NR3C2: variants seen among roughly 807,000 people sequenced by gnomAD.
NR3C2 encodes nuclear receptor subfamily 3 group C member 2, also known as mineralocorticoid receptor.
NR3C2 carries 15 observed loss-of-function variants against 86.4 expected under a neutral mutation model. That is an observed-to-expected ratio of 0.17 (90% CI 0.12 to 0.27). The LOEUF (loss-of-function observed/expected upper bound fraction) is 0.27, where lower values mean the gene tolerates loss of function less well. Among genes scored for constraint, NR3C2 ranks in the 10% least tolerant of loss-of-function variants. The probability of loss-of-function intolerance (pLI) is 1.00; values close to 1 mark genes in which losing one functional copy is unlikely to be tolerated. For synonymous variants in NR3C2, 458 were observed against 450.5 expected (o/e 1.02, Z -0.21); for missense variants, 960 against 1,195.6 (o/e 0.80, Z 2.91).
At chr4:148,275,650 G>C (rs1740923420) in intron 2 of NR3C2, among the ~76,000 whole-genome samples, 1 of 152,120 alleles carries the variant, frequency 6.6e-6, no homozygotes, top group Non-Finnish European at 1.5e-5. Context: ...GTCTGGTCTC[G>C]AACTCCTGAC....
intron 1 of NR3C2, among the ~76,000 whole-genome samples, chr4:148,438,605 T>A (rs952221844): frequency 6.6e-6 from 1 of 150,558 alleles, no homozygotes. Flanking sequence ...TCCCTTCATT[T>A]AAAAAAAAAC....
At chr4:148,148,924 G>C (rs576903412) in intron 6 of NR3C2, among the ~76,000 whole-genome samples, 12 of 152,230 alleles carry the variant, frequency 7.9e-5, no homozygotes, top group African/African-American at 2.4e-4. Context: ...ATAAATGCAA[G>C]ATGAAGCATG....
At chr4:148,239,645 A>G (rs1738919275) in intron 3 of NR3C2, among the ~76,000 whole-genome samples, 1 of 152,254 alleles carries the variant, frequency 6.6e-6, no homozygotes, top group African/African-American at 2.4e-5. Context: ...ACCAGAAGGC[A>G]CAGTTCTTAA....
chr4:148,208,634 C>A (rs1283259343), intron 3 of NR3C2: 1 of 152,270 alleles, frequency 6.6e-6, no homozygotes, highest in Non-Finnish European at 1.5e-5. Flanking sequence ...TCCTCCTACA[C>A]CCAAAGACTC....
intron 2 of NR3C2, among the ~76,000 whole-genome samples, chr4:148,321,741 C>T (rs1324998327): frequency 6.6e-6 from 1 of 152,136 alleles, no homozygotes; most frequent in Admixed American, 6.5e-5. Flanking sequence ...GTAGATCTTC[C>T]TCCATCCTTT....
chr4:148,388,197 A>T (rs72656899), intron 2 of NR3C2, among the ~76,000 whole-genome samples: 5 of 152,210 alleles, frequency 3.3e-5, no homozygotes, highest in Admixed American at 1.3e-4. Flanking sequence ...AGTCAATAAA[A>T]ATCCAGTATT....
intron 3 of NR3C2, among the ~76,000 whole-genome samples, chr4:148,229,236 G>A (rs150826722): frequency 2.6e-4 from 40 of 152,244 alleles, no homozygotes; most frequent in African/African-American, 7.0e-4. Flanking sequence ...CGAAATTCAC[G>A]CCTTAGGCAC....
chr4:148,388,699 T>C (rs956808399), intron 2 of NR3C2, among the ~76,000 whole-genome samples: 4 of 152,210 alleles, frequency 2.6e-5, no homozygotes, highest in African/African-American at 9.6e-5. Context: ...TTAAAATTGT[T>C]TATCACTTAG....
chr4:148,407,597 A>C (rs1449663817), intron 2 of NR3C2, among the ~76,000 whole-genome samples: 1 of 152,194 alleles, frequency 6.6e-6, no homozygotes, highest in Non-Finnish European at 1.5e-5. Flanking sequence ...AGTATGCCAA[A>C]AAGCTTTTCT....
At chr4:148,117,853 CCT>C (rs1415297518) in intron 7 of NR3C2, among the ~76,000 whole-genome samples, 1 of 152,200 alleles carries the variant, frequency 6.6e-6, no homozygotes, top group Non-Finnish European at 1.5e-5. Context: ...TTCTCCCACA[CCT>C]CTGTTTCAGG....
In NR3C2 at chr4:148,143,771, C is replaced by T. The variant is rs371726134; in HGVS notation, c.2510+8698G>A. On this transcript the variant is annotated intron_variant, in intron 6 of 8. Transcript: ENST00000358102. The stretch of plus-strand genomic sequence containing the variant: ...GACCAGCCTGACCAACATGGGGAAA[C>T]CCCATCTCTACTAAAAAAATACAAA... 1.2e-4 allele frequency among the ~76,000 whole-genome samples: 18 copies of T among 151,772 alleles called. No homozygotes were observed. In the South Asian group the frequency reaches 1.9e-3, roughly 16 times the overall value.
At chr4:148,383,679 G>A (rs144991270) in intron 2 of NR3C2, among the ~76,000 whole-genome samples, 77 of 152,180 alleles carry the variant, frequency 5.1e-4, no homozygotes, top group Middle Eastern at 3.4e-3. Context: ...TTGGACGGGC[G>A]CAGTGGCTCA....
chr4:148,159,051 T>C (rs1169912533), intron 4 of NR3C2, among the ~76,000 whole-genome samples: 3 of 152,326 alleles, frequency 2.0e-5, no homozygotes, highest in Non-Finnish European at 2.9e-5. Flanking sequence ...ATTATATTTA[T>C]ATCAAAGTAA....
At chr4:148,228,628 T>C (rs1004991957) in intron 3 of NR3C2, among the ~76,000 whole-genome samples, 28 of 152,216 alleles carry the variant, frequency 1.8e-4, no homozygotes, top group African/African-American at 6.8e-4. Flanking sequence ...TTGCATTTTC[T>C]TAATGGTATC....
At chr4:148,391,956 TA>T (rs5862838) in intron 2 of NR3C2, among the ~76,000 whole-genome samples, 59 of 147,990 alleles carry the variant, frequency 4.0e-4, no homozygotes, top group African/African-American at 1.4e-3. Context: ...AATAACGTAG[TA>T]AAAAAAAAAC....
In NR3C2 at chr4:148,356,462, T is replaced by C. The variant is rs1333719429; in HGVS notation, c.1757+78642A>G. The stretch of plus-strand genomic sequence containing the variant: ...CATCTGGGGGAGAAAAAAGTGACGT[T>C]TTTCTGTAGTGCCATTCATAAAGGT... On this transcript the variant is annotated intron_variant, in intron 2 of 8. Coordinates refer to ENST00000358102, the MANE Select transcript of NR3C2 (RefSeq NM_000901.5). Among the ~76,000 whole-genome samples the C allele has an allele frequency of 5.3e-5, 8 of 152,264 alleles. No individual in the cohort carries two copies. The East Asian group carries it at 1.5e-3, about 29-fold the overall frequency.
chr4:148,095,381 G>A (rs1012958234), intron 8 of NR3C2, among the ~76,000 whole-genome samples: 19 of 152,116 alleles, frequency 1.2e-4, no homozygotes, highest in African/African-American at 3.6e-4. Context: ...CATTTGATTT[G>A]TTTCTATATC....
At chr4:148,315,724 T>C (rs879930381) in intron 2 of NR3C2, among the ~76,000 whole-genome samples, 3 of 152,194 alleles carry the variant, frequency 2.0e-5, no homozygotes, top group Non-Finnish European at 4.4e-5. Context: ...ATAAACTCTT[T>C]AGCCAAAGAA....
At chr4:148,203,422 C>T (rs1736831927) in intron 3 of NR3C2, among the ~76,000 whole-genome samples, 1 of 151,226 alleles carries the variant, frequency 6.6e-6, no homozygotes. Context: ...TTTTAAAGAT[C>T]CATTTGTTGT....
Sources: allele counts gnomAD v4.1 joint callset (sites outside exome capture counted in the v4.1 genomes callset), GRCh38; gene constraint gnomAD v4.1.1; transcripts MANE v1.5; gene names NCBI Gene and HGNC (gene_info 2026-07-23, HGNC 2026-07-21).